The following NDUFV3 variants were observed in gnomAD, a reference collection of about 807,000 sequenced individuals.
NDUFV3 encodes the protein NADH dehydrogenase [ubiquinone] flavoprotein 3, mitochondrial.
NDUFV3 carries 44 observed loss-of-function variants against 37.5 expected under a neutral mutation model. The ratio of observed to expected loss-of-function variants is 1.17; its 90% CI spans 0.92 to 1.51. The LOEUF (loss-of-function observed/expected upper bound fraction) is 1.51, where lower values mean the gene tolerates loss of function less well. NDUFV3 is among the 40% of genes most tolerant of loss of function. The pLI is 0.00. For synonymous variants in NDUFV3, 235 were observed against 239.3 expected, an observed-to-expected ratio of 0.98 and a Z score of 0.17; for missense variants, 580 against 580.4, an observed-to-expected ratio of 1.00 and a Z score of 0.01.
chr21:42,895,668 A>G (rs550242578), intron 1 of NDUFV3, among the ~76,000 whole-genome samples: 78 of 151,326 alleles, frequency 5.2e-4, no homozygotes, highest in African/African-American at 1.9e-3. Context: ...AAAAAAAAAG[A>G]AAAGAAAAAA....
At chr21:42,905,222 G>C (rs1221346765) in intron 3 of NDUFV3, among the ~76,000 whole-genome samples, 1 of 152,192 alleles carries the variant, frequency 6.6e-6, no homozygotes, top group Admixed American at 6.5e-5. Flanking sequence ...TGATGACCTT[G>C]TGGGGCATCT....
At chr21:42,906,767 A>C (rs968308286) in intron 3 of NDUFV3, 7 of 463,948 alleles carry the variant, frequency 1.5e-5, no homozygotes, top group African/African-American at 1.4e-4. Flanking sequence ...TTTAGATCAG[A>C]GTTTTGTAAC....
chr21:42,900,564 G>A (rs8130125), intron 2 of NDUFV3, among the ~76,000 whole-genome samples: 3,163 of 152,244 alleles, frequency 0.021, 100 homozygotes, highest in African/African-American at 0.071. Context: ...AAATGGATAC[G>A]TGCAGGCCCA....
chr21:42,906,881 T>G (rs573716322), intron 3 of NDUFV3: 1 of 518,942 alleles, frequency 1.9e-6, no homozygotes, highest in South Asian at 1.4e-5. Flanking sequence ...TTGTGGAGAT[T>G]GGAAGGATGC....
Position 42,904,291 on chromosome 21 carries a change from G to T in NDUFV3, c.1264+15G>T. 3 of 1,575,302 alleles carry T rather than the reference G, an allele frequency of 1.9e-6. No individual in the cohort carries two copies. The highest frequency in any genetic ancestry group is 1.7e-6 in the Non-Finnish European group (2 of 1,160,258). On this transcript the variant is annotated intron_variant, in intron 3 of 3. Coordinates refer to ENST00000354250, the MANE Select transcript of NDUFV3 (RefSeq NM_021075.4). ...CGGCACACAGGGTATACCTTGACTC[G>T]CGCTCCCAAGTGCACCCTGTCCCTT...
chr21:42,908,829 G>T (rs1274025706), intron 3 of NDUFV3, 35 bp from the exon 4 acceptor site: 1 of 1,613,854 alleles, frequency 6.2e-7, no homozygotes, highest in African/African-American at 1.3e-5. Flanking sequence ...AGCTGTCCTT[G>T]TGTTGGTCTC....
At chr21:42,904,814 C>CA (rs1486992786) in intron 3 of NDUFV3, among the ~76,000 whole-genome samples, 6 of 143,018 alleles carry the variant, frequency 4.2e-5, no homozygotes, top group African/African-American at 1.6e-4. Context: ...TTTTTTGAGA[C>CA]AGAGTCTTGC....
rs1007361066 is a variant in NDUFV3, at chr21:42,897,003, A to G, written c.125A>G (p.Glu42Gly). ...VSLSAESGKSEKGQPQNSKKQ... is the reference protein window; with the variant it reads ...VSLSAESGKSGKGQPQNSKKQ... ...TTGTCTGCGGAATCAGGGAAGAGTG[A>G]AAAGGGTCAGCCACAGAATTCCAAG... The change falls in exon 2 of 4, where the codon GAA (glutamate) becomes GGA (glycine). Residue 42 changes from glutamate (E) to glycine (G), a missense_variant. Glu to Gly is a moderately conservative substitution (Grantham distance 98, BLOSUM62 -2). Coordinates refer to ENST00000354250, the MANE Select transcript of NDUFV3 (RefSeq NM_021075.4). 1 of 1,613,994 alleles carries G rather than the reference A, an allele frequency of 6.2e-7. No homozygotes were observed. Among genetic ancestry groups the G allele is most frequent in the African/African-American group, 1.3e-5 (1 of 74,910 alleles).
intron 1 of NDUFV3, among the ~76,000 whole-genome samples, chr21:42,895,272 C>T (rs1441842579): frequency 6.6e-6 from 1 of 151,988 alleles, no homozygotes; most frequent in Non-Finnish European, 1.5e-5. Flanking sequence ...AACCTGAGGC[C>T]AGGAACTCGA....
intron 2 of NDUFV3, among the ~76,000 whole-genome samples, chr21:42,899,286 T>TTTTTTTTTTTTTTTTTTA (rs1370334671): frequency 1.2e-4 from 17 of 140,936 alleles, no homozygotes; most frequent in East Asian, 3.9e-4. Flanking sequence ...TGTTTTTTTT[T>TTTTTTTTTTTTTTTTTTA]GAGACAGAGT....
intron 2 of NDUFV3, among the ~76,000 whole-genome samples, chr21:42,897,580 A>G (rs1324227190): frequency 6.6e-6 from 1 of 152,166 alleles, no homozygotes; most frequent in Non-Finnish European, 1.5e-5. Context: ...TCACAATGTT[A>G]GCCAGGATGG....
intron 1 of NDUFV3, among the ~76,000 whole-genome samples, chr21:42,894,489 T>TA (rs1555848234): frequency 1.2e-5 from 1 of 86,824 alleles, no homozygotes; most frequent in East Asian, 2.4e-4. Flanking sequence ...ATTTATATAT[T>TA]TATATAATAT....
chr21:42,909,205 A>G lies in NDUFV3; in HGVS notation c.*184A>G, dbSNP rs2058757869. ...CACCCAGGCTGGAGTGCAGTGGCAC[A>G]TTCTCGGCTCACTGCAACTTCCGCC... is the stretch of plus-strand genomic sequence containing the variant. On this transcript the variant is annotated 3_prime_UTR_variant, in exon 4 of 4. Transcript: ENST00000354250. 1 of 590,186 alleles carries G rather than the reference A, an allele frequency of 1.7e-6. No individual in the cohort carries two copies. Among genetic ancestry groups the G allele is most frequent in the South Asian group, 1.9e-5 (1 of 52,168 alleles). 36.6% of individuals were successfully genotyped at this position (590,186 alleles called of 1,614,324 possible). A position where few individuals can be genotyped will look rare whatever the true frequency, so the allele number is the denominator to read the frequency against.
rs1234679903 is a variant in NDUFV3, at chr21:42,903,171, C to G, written c.170-11C>G. 6.2e-7 allele frequency: 1 copy of G among 1,614,054 alleles called. No individual in the cohort carries two copies. Among genetic ancestry groups the G allele is most frequent in the Non-Finnish European group, 8.5e-7 (1 of 1,179,996 alleles). ...TTGTTAAATAACATTCCTCTTTATGCCGTTTCCCAGATGTAGTGGAACCAA... is the reference window on the plus strand; with the variant it reads ...TTGTTAAATAACATTCCTCTTTATGGCGTTTCCCAGATGTAGTGGAACCAA... On this transcript the variant is annotated splice_polypyrimidine_tract_variant and intron_variant, in intron 2 of 3. Coordinates refer to ENST00000354250, the MANE Select transcript of NDUFV3 (RefSeq NM_021075.4).
chr21:42,904,946 A>G (rs1019943658), intron 3 of NDUFV3, among the ~76,000 whole-genome samples: 6 of 150,370 alleles, frequency 4.0e-5, no homozygotes, highest in Admixed American at 2.7e-4. Flanking sequence ...CCCCACCACC[A>G]TGTCCAGCTA....
chr21:42,903,957 G>T lies in NDUFV3; in HGVS notation c.945G>T (p.Glu315Asp). The part of the protein sequence containing the change: ...GSPAPAVLAE[E>D]ARAEGQLQAS... ...CAGCGCCTGCTGTGTTGGCAGAAGA[G>T]GCCAGAGCAGAGGGGCAGCTGCAAG... The change falls in exon 3 of 4, where the codon GAG (glutamate) becomes GAT (aspartate). Residue 315 changes from glutamate (E) to aspartate (D), a missense_variant. Glu to Asp is a conservative substitution (Grantham distance 45). Coordinates refer to ENST00000354250, the MANE Select transcript of NDUFV3 (RefSeq NM_021075.4). 1 of 1,613,936 alleles carries T rather than the reference G, an allele frequency of 6.2e-7. No homozygotes were observed. Among genetic ancestry groups the T allele is most frequent in the Non-Finnish European group, 8.5e-7 (1 of 1,179,928 alleles).
chr21:42,903,530 T>A lies in NDUFV3; in HGVS notation c.518T>A (p.Val173Asp). The A allele has an allele frequency of 6.2e-7, 1 of 1,614,090 alleles. No homozygotes were observed. ...ESDDEADVSE[V>D]TPRVVSKGRG... is the part of the protein sequence containing the mutation. ...GATGATGAGGCTGACGTTTCAGAGG[T>A]CACTCCTCGAGTGGTGAGCAAAGGC... is the stretch of plus-strand genomic sequence containing the variant. The change falls in exon 3 of 4, where the codon GTC becomes GAC. Residue 173 changes from valine (V) to aspartate (D), a missense_variant. Val to Asp is a radical substitution (Grantham distance 152, BLOSUM62 -3). Transcript: ENST00000354250.
chr21:42,903,866 T>C lies in NDUFV3; in HGVS notation c.854T>C (p.Phe285Ser). The C allele has an allele frequency of 6.2e-7, 1 of 1,612,566 alleles. No homozygotes were observed. The highest frequency in any genetic ancestry group is 8.5e-7 in the Non-Finnish European group (1 of 1,179,718). Residue 285 changes from phenylalanine (F) to serine (S), a missense_variant, in exon 3 of 4, where the codon TTT becomes TCT. Transcript: ENST00000354250. ...NEIDKESQKP[F>S]EVKGPLPVHT... ...ATAGATAAAGAAAGCCAAAAGCCAT[T>C]TGAAGTTAAAGGACCCTTACCTGTC...
At chr21:42,895,922 A>G (rs960752606) in intron 1 of NDUFV3, among the ~76,000 whole-genome samples, 2 of 151,692 alleles carry the variant, frequency 1.3e-5, no homozygotes, top group African/African-American at 4.8e-5. Flanking sequence ...TGTAGTGGTA[A>G]TATGTAATAT....
Sources: gnomAD v4.1 joint callset for allele counts (sites outside exome capture counted in the v4.1 genomes callset) on GRCh38, gnomAD v4.1.1 for gene constraint, MANE v1.5 for transcripts, NCBI Gene and HGNC (gene_info 2026-07-23, HGNC 2026-07-21) for gene names.